TLK1: variants seen among roughly 807,000 people sequenced by gnomAD.
TLK1 encodes the protein serine/threonine-protein kinase tousled-like 1.
TLK1 carries 24 observed loss-of-function variants against 105.3 expected under a neutral mutation model. The ratio of observed to expected loss-of-function variants is 0.23; its 90% CI spans 0.17 to 0.32. TLK1 has a LOEUF of 0.32. TLK1 is among the 10% of genes least tolerant of loss of function. The probability of loss-of-function intolerance (pLI) is 1.00; values close to 1 mark genes in which losing one functional copy is unlikely to be tolerated. For missense variants in TLK1, 558 were observed against 910.5 expected (o/e 0.61, Z 4.98); for synonymous variants, 321 against 310.4 (o/e 1.03, Z -0.36).
intron 1 of TLK1, among the ~76,000 whole-genome samples, chr2:171,178,524 C>T (rs949961188): frequency 8.5e-5 from 13 of 152,114 alleles, no homozygotes; most frequent in African/African-American, 2.7e-4. Flanking sequence ...GTGAAGACAC[C>T]TCATAACAAC....
intron 1 of TLK1, among the ~76,000 whole-genome samples, chr2:171,126,594 T>C (rs1690877107): frequency 6.6e-6 from 1 of 152,150 alleles, no homozygotes; most frequent in Non-Finnish European, 1.5e-5. Flanking sequence ...ATGCCTAGAA[T>C]GCAGGTTTTT....
chr2:171,094,188 G>A (rs575835605), intron 2 of TLK1, among the ~76,000 whole-genome samples: 47 of 152,182 alleles, frequency 3.1e-4, no homozygotes, highest in African/African-American at 9.4e-4. Context: ...ACAGTGAAAC[G>A]CAATTGCAAA....
chr2:171,190,666 T>C (rs182822912), intron 1 of TLK1, among the ~76,000 whole-genome samples: 15 of 152,350 alleles, frequency 9.8e-5, no homozygotes, highest in Admixed American at 2.0e-4. Flanking sequence ...ATGTAAAATG[T>C]TCTTTCAAAA....
At chr2:171,081,597 A>T in intron 3 of TLK1, 17 of 1,259,672 alleles carry the variant, frequency 1.3e-5, no homozygotes, top group Non-Finnish European at 1.8e-5. Flanking sequence ...TTTTTTAAAA[A>T]CTAAACTGAT....
chr2:171,006,490 A>T lies in TLK1; in HGVS notation c.1752T>A (p.His584Gln). The T allele has an allele frequency of 6.3e-7, 1 of 1,599,526 alleles. No individual in the cohort carries two copies. Among genetic ancestry groups the T allele is most frequent in the Non-Finnish European group, 8.5e-7 (1 of 1,174,322 alleles). ...YLNEIKPPII[H>Q]YDLKPGNILL... Reference sequence around the variant, plus strand: ...CATAATTACCTGGCTTAAGATCATAATGTATAATAGGGGGTTTGATCTCAT... The same window carrying T: ...CATAATTACCTGGCTTAAGATCATATTGTATAATAGGGGGTTTGATCTCAT... The change falls in exon 17 of 21, where the codon CAT becomes CAA. Residue 584 changes from histidine to glutamine, a missense_variant. His to Gln is a conservative substitution (Grantham distance 24). Around this residue, in one of 5 missense-constraint regions of TLK1, gnomAD observed 218 missense variants for 492.9 expected, o/e 0.44. Coordinates refer to ENST00000431350, the MANE Select transcript of TLK1 (RefSeq NM_012290.5).
intron 1 of TLK1, among the ~76,000 whole-genome samples, chr2:171,144,967 G>A (rs1691731250): frequency 6.6e-6 from 1 of 152,134 alleles, no homozygotes; most frequent in Admixed American, 6.6e-5. Flanking sequence ...ATGAAAAAGT[G>A]GTAAACATCC....
chr2:171,157,446 C>T (rs185541179), intron 1 of TLK1, among the ~76,000 whole-genome samples: 3 of 152,328 alleles, frequency 2.0e-5, no homozygotes, highest in East Asian at 1.9e-4. Flanking sequence ...TCTAGAGCTA[C>T]ATCGCTGAAC....
chr2:171,196,762 C>A (rs1442542166), intron 1 of TLK1, among the ~76,000 whole-genome samples: 1 of 152,078 alleles, frequency 6.6e-6, no homozygotes, highest in South Asian at 2.1e-4. Context: ...CAGCCTGGTT[C>A]TATGAGAGAC....
chr2:171,024,382 G>A (rs2105387098), intron 12 of TLK1, among the ~76,000 whole-genome samples: 1 of 152,144 alleles, frequency 6.6e-6, no homozygotes, highest in East Asian at 1.9e-4. Flanking sequence ...CTAACATAAT[G>A]CCCAAGGAAG....
chr2:171,059,731 G>C (rs953436853), intron 4 of TLK1, among the ~76,000 whole-genome samples: 2 of 152,146 alleles, frequency 1.3e-5, no homozygotes, highest in Admixed American at 6.5e-5. Context: ...CGGGGAGTAG[G>C]GGAGATGGTT....
At chr2:171,227,834 A>G (rs1693930520) in intron 1 of TLK1, among the ~76,000 whole-genome samples, 1 of 152,136 alleles carries the variant, frequency 6.6e-6, no homozygotes, top group African/African-American at 2.4e-5. Flanking sequence ...CCTGGAGTAT[A>G]TTAGACACCT....
intron 1 of TLK1, among the ~76,000 whole-genome samples, chr2:171,183,454 T>C (rs1692964582): frequency 6.6e-6 from 1 of 152,202 alleles, no homozygotes; most frequent in Admixed American, 6.5e-5. Flanking sequence ...GTTACTTTTA[T>C]TTTTTCTTTT....
intron 3 of TLK1, among the ~76,000 whole-genome samples, chr2:171,073,110 T>G (rs1266051730): frequency 6.6e-6 from 1 of 152,160 alleles, no homozygotes; most frequent in Non-Finnish European, 1.5e-5. Context: ...TAATAATTTT[T>G]TGGTACAGTC....
chr2:171,021,995 C>T (rs191535393), intron 12 of TLK1, among the ~76,000 whole-genome samples: 39 of 151,616 alleles, frequency 2.6e-4, no homozygotes, highest in South Asian at 2.3e-3. Flanking sequence ...CCCAGCTACT[C>T]AGGAGGCTGA....
At chr2:171,215,108 T>C (rs775257465) in intron 1 of TLK1, among the ~76,000 whole-genome samples, 7 of 152,134 alleles carry the variant, frequency 4.6e-5, no homozygotes, top group Non-Finnish European at 1.0e-4. Flanking sequence ...ACCTGGCTAA[T>C]TTTTGTAGTT....
chr2:171,135,756 C>T (rs1388051345), intron 1 of TLK1, among the ~76,000 whole-genome samples: 3 of 151,670 alleles, frequency 2.0e-5, no homozygotes, highest in African/African-American at 4.8e-5. Flanking sequence ...GAGCTGAGGT[C>T]GCACCACTGC....
chr2:171,208,472 G>A (rs1004117003), intron 1 of TLK1, among the ~76,000 whole-genome samples: 1 of 152,126 alleles, frequency 6.6e-6, no homozygotes, highest in Non-Finnish European at 1.5e-5. Flanking sequence ...TACATTATAA[G>A]AGTGGAGAGT....
chr2:171,198,134 C>T (rs1693311454), intron 1 of TLK1, among the ~76,000 whole-genome samples: 1 of 151,972 alleles, frequency 6.6e-6, no homozygotes, highest in Admixed American at 6.6e-5. Context: ...CAAGCATTTA[C>T]TAAGGAAAGT....
chr2:171,070,641 G>A (rs899070949), intron 3 of TLK1, among the ~76,000 whole-genome samples: 10 of 151,638 alleles, frequency 6.6e-5, no homozygotes, highest in Non-Finnish European at 1.0e-4. Context: ...ACTCCACTGT[G>A]CGTATGTACC....
Sources: gnomAD v4.1 joint callset for allele counts (sites outside exome capture counted in the v4.1 genomes callset) on GRCh38, gnomAD v4.1.1 for gene constraint, gnomAD v4.1.1 regional missense constraint, MANE v1.5 for transcripts, NCBI Gene and HGNC (gene_info 2026-07-23, HGNC 2026-07-21) for gene names.